GPD2: variants seen among roughly 807,000 people sequenced by gnomAD.
The protein encoded by GPD2 is glycerol-3-phosphate dehydrogenase 2.
A neutral mutation model predicts 82.4 loss-of-function variants in GPD2; 54 were observed. That is an observed-to-expected ratio of 0.66 (90% CI 0.53 to 0.82). GPD2 has a LOEUF of 0.82. GPD2 is among the 40% of genes least tolerant of loss of function. GPD2 has a pLI of 0.00. For missense variants in GPD2, 748 were observed against 896.2 expected (o/e 0.83, Z 2.11); for synonymous variants, 288 against 306.1 (o/e 0.94, Z 0.62).
the GPD2 span, among the ~76,000 whole-genome samples, chr2:156,428,607 G>T: frequency 6.6e-6 from 1 of 152,150 alleles, no homozygotes; most frequent in Non-Finnish European, 1.5e-5. Context: ...TAGCAGTTAG[G>T]CAGGAAGGGA....
chr2:156,513,745 G>A (rs990330429), intron 6 of GPD2, among the ~76,000 whole-genome samples: 1 of 152,008 alleles, frequency 6.6e-6, no homozygotes, highest in African/African-American at 2.4e-5. Flanking sequence ...TGTGTCTCAT[G>A]GTTGGTTTGG....
chr2:156,478,543 G>A (rs1053215872), intron 2 of GPD2, among the ~76,000 whole-genome samples: 2 of 152,126 alleles, frequency 1.3e-5, no homozygotes, highest in Non-Finnish European at 2.9e-5. Context: ...AGAATGAGAA[G>A]AGGAAACAAC....
At chr2:156,494,420 A>G (rs983425242) in intron 2 of GPD2, among the ~76,000 whole-genome samples, 1 of 152,192 alleles carries the variant, frequency 6.6e-6, no homozygotes, top group Non-Finnish European at 1.5e-5. Context: ...GTCAACAGTT[A>G]CATTGCTGGT....
At position 156,575,360 on chromosome 2, in the gene GPD2, G is replaced by A. The variant is rs143802067; in HGVS notation, c.1768-3529G>A. ...CGGAAGCTAGTAAGGAATCACTTAG[G>A]CAAAATCATTTCAGATATATCATTT... is the stretch of plus-strand genomic sequence containing the variant. On this transcript the variant is annotated intron_variant, in intron 13 of 16. Transcript: ENST00000438166. Among the ~76,000 whole-genome samples the A allele has an allele frequency of 2.4e-3, 369 of 151,360 alleles. 4 individuals carry two copies. The highest frequency in any genetic ancestry group is 7.8e-3 in the African/African-American group (323 of 41,232).
chr2:156,430,426 A>G (rs563619074), upstream of GPD2, among the ~76,000 whole-genome samples: 1 of 152,366 alleles, frequency 6.6e-6, no homozygotes, highest in South Asian at 2.1e-4. Flanking sequence ...AGTGCCTGAG[A>G]TAAAGTAAAC....
At chr2:156,411,111 A>G in the GPD2 span, among the ~76,000 whole-genome samples, 6 of 152,322 alleles carry the variant, frequency 3.9e-5, no homozygotes, top group Middle Eastern at 6.8e-3. Flanking sequence ...AATAATTACC[A>G]TAAACTAGAA....
chr2:156,568,759 T>A (rs1294503722), intron 9 of GPD2, 66 bp from the exon 10 acceptor site: 1 of 1,401,644 alleles, frequency 7.1e-7, no homozygotes. Context: ...TTTTATTAAC[T>A]GTTTAATATT....
intron 2 of GPD2, among the ~76,000 whole-genome samples, chr2:156,476,924 A>G (rs917889629): frequency 6.6e-6 from 1 of 152,212 alleles, no homozygotes; most frequent in Admixed American, 6.5e-5. Context: ...ACATTTTGTG[A>G]TACTAGCTGT....
At chr2:156,474,679 C>T (rs2105199042) in intron 1 of GPD2, among the ~76,000 whole-genome samples, 1 of 152,206 alleles carries the variant, frequency 6.6e-6, no homozygotes, top group South Asian at 2.1e-4. Flanking sequence ...CATTTTTATG[C>T]AATCTTCTTA....
upstream of GPD2, among the ~76,000 whole-genome samples, chr2:156,436,074 G>A (rs749844964): frequency 2.6e-5 from 4 of 152,212 alleles, no homozygotes; most frequent in Non-Finnish European, 5.9e-5. Flanking sequence ...CCGGCGGCAG[G>A]ACCCGCGTCC....
At chr2:156,400,857 CT>C in the GPD2 span, among the ~76,000 whole-genome samples, 1 of 152,148 alleles carries the variant, frequency 6.6e-6, no homozygotes, top group African/African-American at 2.4e-5. Context: ...CCGACGTTTG[CT>C]TTTTATTTTT....
the GPD2 span, among the ~76,000 whole-genome samples, chr2:156,411,031 G>T: frequency 1.3e-5 from 2 of 152,142 alleles, no homozygotes; most frequent in African/African-American, 4.8e-5. Flanking sequence ...AAATAATAGG[G>T]TTGGTGAAAA....
intron 6 of GPD2, among the ~76,000 whole-genome samples, chr2:156,533,738 T>C (rs1685951901): frequency 6.6e-6 from 1 of 152,158 alleles, no homozygotes; most frequent in African/African-American, 2.4e-5. Context: ...AATTTTAAAA[T>C]TGGAATGGGA....
intron 9 of GPD2, among the ~76,000 whole-genome samples, chr2:156,561,485 C>T (rs759985569): frequency 8.5e-5 from 13 of 152,066 alleles, no homozygotes; most frequent in Non-Finnish European, 1.6e-4. Context: ...ACTATGTGCA[C>T]TAGGGAGTGG....
chr2:156,569,378 C>CT lies in GPD2; in HGVS notation c.1318dup (p.Tyr440LeufsTer17), dbSNP rs773274937. ...TTCTTTATAGGTGGAAAGTGGACAA[C>CT]TTATCGGTCTATGGCAGAAGATACC... On this transcript the variant is annotated frameshift_variant, in exon 11 of 17. Transcript: ENST00000438166. LOFTEE classifies it high-confidence loss of function. 9 of 1,609,512 alleles carry CT rather than the reference C, an allele frequency of 5.6e-6. No individual in the cohort carries two copies. In the Admixed American group the frequency reaches 1.3e-4, roughly 24 times the overall value.
intron 6 of GPD2, among the ~76,000 whole-genome samples, chr2:156,530,992 T>G (rs1410416426): frequency 6.6e-6 from 1 of 152,152 alleles, no homozygotes; most frequent in African/African-American, 2.4e-5. Flanking sequence ...GTGCTTTGTT[T>G]AAGACTCTAT....
upstream of GPD2, among the ~76,000 whole-genome samples, chr2:156,432,543 CGGCCT>C (rs199644737): frequency 0.017 from 2,651 of 152,258 alleles, 33 homozygotes; most frequent in Non-Finnish European, 0.025. Context: ...CTTAGGATAA[CGGCCT>C]GCAGCTGCAT....
chr2:156,449,856 C>CAA (rs70987037), intron 1 of GPD2, among the ~76,000 whole-genome samples: 3 of 83,982 alleles, frequency 3.6e-5, no homozygotes, highest in East Asian at 9.3e-4. Flanking sequence ...ACTAAATATA[C>CAA]AAAAAAAAAA....
chr2:156,456,382 T>C (rs549190234), intron 1 of GPD2, among the ~76,000 whole-genome samples: 2 of 152,092 alleles, frequency 1.3e-5, no homozygotes, highest in Non-Finnish European at 2.9e-5. Flanking sequence ...GGTGGGCAGA[T>C]CACCTGAGGT....
Sources: gnomAD v4.1 joint callset for allele counts (sites outside exome capture counted in the v4.1 genomes callset) on GRCh38, gnomAD v4.1.1 for gene constraint, MANE v1.5 for transcripts, NCBI Gene and HGNC (gene_info 2026-07-23, HGNC 2026-07-21) for gene names.